Variants in THSD7B observed in about 807,000 individuals in gnomAD.
THSD7B encodes thrombospondin type-1 domain-containing protein 7B.
In THSD7B, 138 loss-of-function variants were observed where a neutral mutation model predicts 213.6. The observed-to-expected ratio is 0.65, with a 90% CI of 0.56 to 0.74. The LOEUF (loss-of-function observed/expected upper bound fraction) is 0.74, where lower values mean the gene tolerates loss of function less well. Among genes scored for constraint, THSD7B ranks in the 30% least tolerant of loss-of-function variants. THSD7B has a pLI of 0.00. For synonymous variants in THSD7B, 742 were observed against 687.0 expected (o/e 1.08, Z -1.25); for missense variants, 1,931 against 1,991.5 (o/e 0.97, Z 0.58).
intron 10 of THSD7B, among the ~76,000 whole-genome samples, chr2:137,269,796 T>C (rs1044198931): frequency 6.6e-6 from 1 of 152,228 alleles, no homozygotes; most frequent in African/African-American, 2.4e-5. Context: ...TTTTTAAGCA[T>C]CTATTTCTAA....
intron 17 of THSD7B, among the ~76,000 whole-genome samples, chr2:137,576,301 C>A: frequency 6.6e-6 from 1 of 152,100 alleles, no homozygotes; most frequent in Non-Finnish European, 1.5e-5. Context: ...CAAGACTTTG[C>A]AAACCCACTC....
At chr2:136,849,793 C>G (rs1266629499) in intron 1 of THSD7B, among the ~76,000 whole-genome samples, 1 of 151,992 alleles carries the variant, frequency 6.6e-6, no homozygotes, top group South Asian at 2.1e-4. Context: ...ATTTTTGTTA[C>G]AGAATATTAG....
chr2:137,013,368 A>AGGG lies in THSD7B; in HGVS notation c.140-43050_140-43048dup, dbSNP rs543776586. On this transcript the variant is annotated intron_variant, in intron 2 of 27. Transcript: ENST00000409968. Reference sequence around the variant, plus strand: ...AGTTTCCAAGTCACAGCACAAAGAAAGGGGAACCCAGGTAGACCCAGGCAA... The same window carrying AGGG: ...AGTTTCCAAGTCACAGCACAAAGAAAGGGGGGGAACCCAGGTAGACCCAGGCAA... Among the ~76,000 whole-genome samples the AGGG allele has an allele frequency of 8.5e-5, 13 of 152,282 alleles. No homozygotes were observed. The South Asian group carries it at 2.7e-3, about 32-fold the overall frequency.
At chr2:137,244,763 C>G (rs1478233162) in intron 10 of THSD7B, among the ~76,000 whole-genome samples, 1 of 152,034 alleles carries the variant, frequency 6.6e-6, no homozygotes, top group East Asian at 1.9e-4. Flanking sequence ...CAGATTTCTT[C>G]CAGCTTTCCA....
At chr2:136,809,727 A>G (rs913538101) in intron 1 of THSD7B, among the ~76,000 whole-genome samples, 1 of 152,256 alleles carries the variant, frequency 6.6e-6, no homozygotes, top group Admixed American at 6.5e-5. Flanking sequence ...AGGCTCTTGC[A>G]TAGAGAATTC....
intron 20 of THSD7B, among the ~76,000 whole-genome samples, chr2:137,625,246 G>C (rs903402845): frequency 3.4e-5 from 5 of 147,516 alleles, no homozygotes; most frequent in African/African-American, 1.3e-4. Flanking sequence ...AAGACTGCAT[G>C]TTCTCACTCA....
At chr2:137,391,397 T>A (rs1383158096) in intron 12 of THSD7B, among the ~76,000 whole-genome samples, 1 of 152,142 alleles carries the variant, frequency 6.6e-6, no homozygotes, top group African/African-American at 2.4e-5. Flanking sequence ...TAAAATCTTT[T>A]TAAAGAACAG....
chr2:137,066,625 C>A (rs1399292260), intron 3 of THSD7B, among the ~76,000 whole-genome samples: 1 of 151,860 alleles, frequency 6.6e-6, no homozygotes, highest in Non-Finnish European at 1.5e-5. Context: ...TAATTTTTTT[C>A]TTTGTCTTTG....
intron 15 of THSD7B, among the ~76,000 whole-genome samples, chr2:137,484,518 T>A (rs1353125823): frequency 8.4e-5 from 7 of 83,778 alleles, no homozygotes; most frequent in East Asian, 3.4e-4. Context: ...TGATTTATAG[T>A]CCTTTGGGTA....
intron 1 of THSD7B, among the ~76,000 whole-genome samples, chr2:136,849,396 A>T (rs1468175613): frequency 6.6e-6 from 1 of 152,174 alleles, no homozygotes; most frequent in African/African-American, 2.4e-5. Context: ...TCTTTTTGCC[A>T]TCTAAACCTG....
intron 9 of THSD7B, among the ~76,000 whole-genome samples, chr2:137,238,818 G>C (rs1318155804): frequency 6.6e-6 from 1 of 151,550 alleles, no homozygotes; most frequent in South Asian, 2.1e-4. Context: ...CTCCCAAAGT[G>C]CTGGGATTAC....
At chr2:137,366,557 T>C (rs917328906) in intron 12 of THSD7B, among the ~76,000 whole-genome samples, 4 of 151,982 alleles carry the variant, frequency 2.6e-5, no homozygotes, top group Non-Finnish European at 5.9e-5. Flanking sequence ...TCTCCTTCCA[T>C]CCCCTTCTAT....
Position 137,676,540 on chromosome 2 carries a change from C to T in THSD7B, c.4756C>T (p.His1586Tyr), listed in dbSNP as rs765881436. ...CCTTTGCAGCAAGAAGCCAAAACCA[C>T]ATCAAAGCACACCTCCCCAACAGAA... is the stretch of plus-strand genomic sequence containing the variant. ...SYLVCKKPKP[H>Y]QSTPPQQKPL... Residue 1586 changes from histidine (H) to tyrosine (Y), a missense_variant, in exon 28 of 28, where the codon CAT becomes TAT. His to Tyr is a moderately conservative substitution (Grantham distance 83, BLOSUM62 2). Transcript: ENST00000409968. 1.6e-5 allele frequency: 25 copies of T among 1,597,216 alleles called. No individual in the cohort carries two copies. Among genetic ancestry groups the T allele is most frequent in the Non-Finnish European group, 2.0e-5 (23 of 1,172,352 alleles).
rs571111838 is a variant in THSD7B at position 136,924,502 on chromosome 2, A to G, written c.139+42185A>G. The stretch of plus-strand genomic sequence containing the variant: ...CAACTTTGTAAAAAATCATTTGGCC[A>G]TTATTTCTTGGTTCTCTGTTCCACT... On this transcript the variant is annotated intron_variant, in intron 2 of 27. Coordinates refer to ENST00000409968, the MANE Select transcript of THSD7B (RefSeq NM_001316349.2). Among the ~76,000 whole-genome samples the G allele has an allele frequency of 4.6e-5, 7 of 152,054 alleles. No homozygotes were observed. The South Asian group carries it at 1.5e-3, about 32-fold the overall frequency.
intron 10 of THSD7B, among the ~76,000 whole-genome samples, chr2:137,256,590 C>T (rs1370563424): frequency 1.3e-5 from 2 of 152,122 alleles, no homozygotes; most frequent in African/African-American, 4.8e-5. Context: ...AAGAGATATG[C>T]AGGTACCCGC....
intron 10 of THSD7B, among the ~76,000 whole-genome samples, chr2:137,256,898 T>G (rs1316502582): frequency 6.6e-6 from 1 of 152,084 alleles, no homozygotes; most frequent in Non-Finnish European, 1.5e-5. Flanking sequence ...GAAACAAAAT[T>G]TATTTCTTAC....
At chr2:136,872,479 A>T (rs1683445618) in intron 1 of THSD7B, among the ~76,000 whole-genome samples, 1 of 152,028 alleles carries the variant, frequency 6.6e-6, no homozygotes, top group South Asian at 2.1e-4. Context: ...ACTGAGTCAC[A>T]TGGCAGCCCT....
intron 14 of THSD7B, among the ~76,000 whole-genome samples, chr2:137,414,384 A>G (rs1686745686): frequency 6.6e-6 from 1 of 152,100 alleles, no homozygotes; most frequent in Non-Finnish European, 1.5e-5. Context: ...AATGGTTACT[A>G]ATAAAGACTT....
intron 14 of THSD7B, among the ~76,000 whole-genome samples, chr2:137,426,647 C>T (rs1343358465): frequency 6.6e-6 from 1 of 152,072 alleles, no homozygotes; most frequent in Non-Finnish European, 1.5e-5. Context: ...ACATCATGCA[C>T]AAACTCAAAA....
Sources: gnomAD v4.1 joint callset for allele counts (sites outside exome capture counted in the v4.1 genomes callset) on GRCh38, gnomAD v4.1.1 for gene constraint, MANE v1.5 for transcripts, NCBI Gene and HGNC (gene_info 2026-07-23, HGNC 2026-07-21) for gene names.